CREB3L3: variants seen among roughly 807,000 people sequenced by gnomAD.
CREB3L3 encodes the protein cAMP responsive element binding protein 3 like 3.
Under a neutral mutation model 44.6 loss-of-function variants are expected in CREB3L3, and 40 were observed. The ratio of observed to expected loss-of-function variants is 0.90; its 90% CI spans 0.70 to 1.17. The LOEUF (loss-of-function observed/expected upper bound fraction) is 1.17, where lower values mean the gene tolerates loss of function less well. Ranked by LOEUF, CREB3L3 falls within the 50% of genes most tolerant of loss-of-function variation. The pLI is 0.00. For synonymous variants in CREB3L3, 273 were observed against 256.3 expected (o/e 1.06, Z -0.62); for missense variants, 578 against 595.8 (o/e 0.97, Z 0.31).
At chr19:4,156,929 G>A (rs1185904936) in intron 2 of CREB3L3, 66 bp from the exon 3 acceptor site, 26 of 1,549,952 alleles carry the variant, frequency 1.7e-5, no homozygotes, top group East Asian at 4.5e-5. Context: ...TTTCCCTGGG[G>A]CCACACACTA....
At chr19:4,162,485 G>A (rs1850565913) in intron 4 of CREB3L3, among the ~76,000 whole-genome samples, 1 of 146,060 alleles carries the variant, frequency 6.8e-6, no homozygotes, top group Admixed American at 7.0e-5. Context: ...TTGAAGACCA[G>A]CCTGGGCAAC....
chr19:4,159,681 G>T lies in CREB3L3; in HGVS notation c.475G>T (p.Gly159Ter). The T allele has an allele frequency of 6.4e-7, 1 of 1,562,440 alleles. No homozygotes were observed. The highest frequency in any genetic ancestry group is 8.8e-7 in the Non-Finnish European group (1 of 1,132,880). Residue 159 changes from glycine to a stop codon, truncating the protein, a stop_gained, in exon 4 of 10, where the codon GGA becomes TGA. Transcript: ENST00000078445. LOFTEE classifies it high-confidence loss of function. Reference protein sequence around the residue: ...TIDLEMWSPGGRICAEKPADP... With the variant: ...TIDLEMWSPG ...CTGGTCAGAAATGTGGAGCCCAGGA[G>T]GAAGGATCTGTGCTGAGAAGCCGGC...
intron 7 of CREB3L3, among the ~76,000 whole-genome samples, chr19:4,170,713 T>C (rs538934365): frequency 1.3e-5 from 2 of 148,924 alleles, no homozygotes; most frequent in East Asian, 4.0e-4. Context: ...ATCAAGACCA[T>C]CCTGGCTAAC....
chr19:4,167,518 G>GAAAGAA, intron 5 of CREB3L3, among the ~76,000 whole-genome samples: 1 of 117,512 alleles, frequency 8.5e-6, no homozygotes, highest in Non-Finnish European at 1.6e-5. Context: ...GAGAGAAAGA[G>GAAAGAA]AGAAAGGGAG....
chr19:4,166,481 G>A (rs188112812), intron 5 of CREB3L3, among the ~76,000 whole-genome samples: 55 of 143,136 alleles, frequency 3.8e-4, no homozygotes, highest in African/African-American at 1.4e-3. Flanking sequence ...GGCCAGGATG[G>A]TCTCGATCTC....
At chr19:4,163,897 C>T (rs1348108621) in intron 4 of CREB3L3, among the ~76,000 whole-genome samples, 3 of 150,908 alleles carry the variant, frequency 2.0e-5, no homozygotes, top group East Asian at 3.9e-4. Flanking sequence ...CTCTGCTTCC[C>T]GGGTTCAAGC....
At chr19:4,157,319 C>T in intron 3 of CREB3L3, 24 bp downstream of exon 3, 1 of 1,612,400 alleles carries the variant, frequency 6.2e-7, no homozygotes, top group Non-Finnish European at 8.5e-7. Flanking sequence ...TGTCTCTGCC[C>T]ACCGCCCTCA....
chr19:4,171,476 C>T lies in CREB3L3; in HGVS notation c.1069C>T (p.Arg357Ter), dbSNP rs755042043. 1.3e-5 allele frequency: 21 copies of T among 1,613,858 alleles called. No individual in the cohort carries two copies. Among genetic ancestry groups the T allele is most frequent in the Middle Eastern group, 1.6e-4 (1 of 6,084 alleles). The change falls in exon 9 of 10, where the codon CGA becomes TGA. Residue 357 changes from arginine (R) to a stop codon, truncating the protein, a stop_gained. Coordinates refer to ENST00000078445, the MANE Select transcript of CREB3L3 (RefSeq NM_032607.3). LOFTEE classifies it low-confidence loss of function (END_TRUNC). This position sits in a 1 kb window ranked among gnomAD's most constrained non-coding sequence, Gnocchi z 4.9. ...GAGCCCTGGGGACTTTGCGCCTGTA[C>T]GAGGTAGGGGATCCCCACCTTTGAA... is the stretch of plus-strand genomic sequence containing the variant. ...TESPGDFAPV[R>*]VFSRTLHNDA...
intron 6 of CREB3L3, among the ~76,000 whole-genome samples, chr19:4,169,727 G>A (rs1322065873): frequency 6.6e-6 from 1 of 151,342 alleles, no homozygotes; most frequent in Non-Finnish European, 1.5e-5. Context: ...AAGTTCCCAA[G>A]TAGCTGGAAT....
chr19:4,172,259 A>G lies in CREB3L3; in HGVS notation c.*290A>G. 1 of 555,116 alleles carries G rather than the reference A, an allele frequency of 1.8e-6. No homozygotes were observed. The highest frequency in any genetic ancestry group is 3.2e-6 in the Non-Finnish European group (1 of 311,252). 34.4% of individuals were successfully genotyped at this position (555,116 alleles called of 1,614,324 possible). On this transcript the variant is annotated 3_prime_UTR_variant, in exon 10 of 10. Coordinates refer to ENST00000078445, the MANE Select transcript of CREB3L3 (RefSeq NM_032607.3). The stretch of plus-strand genomic sequence containing the variant: ...TACAGCCTGAAACAGACCTGGACAG[A>G]CAGACACAGCCTGAAACAGACCCGG...
intron 2 of CREB3L3, among the ~76,000 whole-genome samples, chr19:4,155,856 T>C (rs2041565269): frequency 6.6e-6 from 1 of 151,508 alleles, no homozygotes; most frequent in African/African-American, 2.4e-5. Context: ...CAAGTGATTC[T>C]CCTACCTCAA....
chr19:4,165,970 C>T (rs1270763297), intron 5 of CREB3L3, among the ~76,000 whole-genome samples: 2 of 152,172 alleles, frequency 1.3e-5, no homozygotes, highest in African/African-American at 2.4e-5. Flanking sequence ...TTCATATTCT[C>T]AAACCTCCAT....
intron 4 of CREB3L3, among the ~76,000 whole-genome samples, chr19:4,163,199 T>G (rs2041681447): frequency 6.6e-6 from 1 of 151,606 alleles, no homozygotes; most frequent in South Asian, 2.1e-4. Flanking sequence ...TCCCAGCTAC[T>G]CAGGAGGCTG....
intron 5 of CREB3L3, among the ~76,000 whole-genome samples, chr19:4,167,357 AGAG>A (rs1966929999): frequency 1.4e-5 from 2 of 140,852 alleles, no homozygotes; most frequent in South Asian, 2.3e-4. Flanking sequence ...AAAGAAAGAG[AGAG>A]AGAGAGAGAG....
intron 5 of CREB3L3, among the ~76,000 whole-genome samples, chr19:4,165,625 G>T (rs1197224218): frequency 6.6e-6 from 1 of 152,110 alleles, no homozygotes; most frequent in Non-Finnish European, 1.5e-5. Flanking sequence ...ACTGTGGGAG[G>T]CTGAGGCAGA....
intron 5 of CREB3L3, among the ~76,000 whole-genome samples, chr19:4,165,045 A>G (rs1339675601): frequency 6.6e-6 from 1 of 152,122 alleles, no homozygotes; most frequent in Non-Finnish European, 1.5e-5. Flanking sequence ...CTAGAATGCT[A>G]TGCTGTGTCT....
chr19:4,171,972 C>T lies in CREB3L3; in HGVS notation c.*3C>T. The stretch of plus-strand genomic sequence containing the variant: ...AGGCGGCGGGAGACGAGCTGTGAGC[C>T]CCGCCAGGACTATGCTCCCAGGCCC... On this transcript the variant is annotated 3_prime_UTR_variant, in exon 10 of 10. Coordinates refer to ENST00000078445, the MANE Select transcript of CREB3L3 (RefSeq NM_032607.3). This position sits in a 1 kb window ranked among gnomAD's most constrained non-coding sequence, Gnocchi z 4.9. 1 of 1,586,010 alleles carries T rather than the reference C, an allele frequency of 6.3e-7. No homozygotes were observed. The highest frequency in any genetic ancestry group is 1.3e-5 in the African/African-American group (1 of 74,490).
chr19:4,166,713 T>A (rs1403913835), intron 5 of CREB3L3, among the ~76,000 whole-genome samples: 2 of 151,070 alleles, frequency 1.3e-5, no homozygotes, highest in Non-Finnish European at 3.0e-5. Flanking sequence ...TTTCTATTGT[T>A]GTTGTTGTTT....
chr19:4,168,481 C>A, intron 6 of CREB3L3, 24 bp downstream of exon 6: 1 of 1,553,732 alleles, frequency 6.4e-7, no homozygotes. Flanking sequence ...GACCCAGACT[C>A]TACACTCGTG....
Sources: allele counts gnomAD v4.1 joint callset (sites outside exome capture counted in the v4.1 genomes callset), GRCh38; gene constraint gnomAD v4.1.1; non-coding constraint Gnocchi (gnomAD v3.1); transcripts MANE v1.5; gene names NCBI Gene and HGNC (gene_info 2026-07-23, HGNC 2026-07-21).